Variants in LRRC9 observed in about 807,000 individuals in gnomAD.
LRRC9 encodes the protein leucine-rich repeat-containing protein 9.
Under a neutral mutation model 63.2 loss-of-function variants are expected in LRRC9, and 122 were observed. The observed-to-expected ratio is 1.93, with a 90% confidence interval of 1.67 to 2.24. The LOEUF (loss-of-function observed/expected upper bound fraction) is 2.24. Among genes scored for constraint, LRRC9 ranks in the 30% most tolerant of loss-of-function variants. The pLI is 0.00. For missense variants in LRRC9, 1,071 were observed against 627.7 expected, an observed-to-expected ratio of 1.71 and a Z score of -7.55; for synonymous variants, 366 against 213.1, an observed-to-expected ratio of 1.72 and a Z score of -6.25.
At chr14:60,065,104 G>A (rs922348348), downstream of LRRC9, among the ~76,000 whole-genome samples, 6 of 151,952 alleles carry the variant, frequency 3.9e-5, no homozygotes, top group African/African-American at 9.7e-5. Flanking sequence ...CATCTGAGCC[G>A]GGCGCAGTGG....
chr14:60,049,036 A>AT (rs1420766424), intron 29 of LRRC9, among the ~76,000 whole-genome samples: 2 of 152,234 alleles, frequency 1.3e-5, no homozygotes, highest in South Asian at 2.1e-4. Flanking sequence ...CAAAAATCAC[A>AT]TAATTATTTC....
intron 29 of LRRC9, among the ~76,000 whole-genome samples, chr14:60,032,412 A>C (rs1349303463): frequency 6.6e-6 from 1 of 151,856 alleles, no homozygotes; most frequent in Non-Finnish European, 1.5e-5. Context: ...CTTTCTCATT[A>C]TTTCTTTCTC....
In LRRC9 at chr14:59,930,962, T is replaced by C; in HGVS notation, c.312T>C (p.Tyr104=). Residue 104 remains tyrosine, a synonymous_variant, in exon 4 of 32, where the codon TAT becomes TAC. Transcript: ENST00000445360. The surrounding 1 kb of genome is among the most constrained non-coding windows in gnomAD (Gnocchi z 4.9). The stretch of plus-strand genomic sequence containing the variant: ...AATGTAGAAATTTGGAAAAACTATA[T>C]TTATATTTTAATAAAATTTCCAAAA... 1 of 455,468 alleles carries C rather than the reference T, an allele frequency of 2.2e-6. No individual in the cohort carries two copies. Among genetic ancestry groups the C allele is most frequent in the South Asian group, 2.9e-5 (1 of 34,852 alleles). 28.2% of individuals were successfully genotyped at this position (455,468 alleles called of 1,614,324 possible).
chr14:60,059,773 C>T (rs309004), intron 31 of LRRC9, among the ~76,000 whole-genome samples: 117,574 of 152,192 alleles, frequency 0.77, 47,664 homozygotes, highest in Non-Finnish European at 0.89. Flanking sequence ...GAAAGAATCA[C>T]GAACTATTAT....
intron 15 of LRRC9, 132 bp from the exon 16 acceptor site, chr14:59,981,716 A>T: frequency 1.6e-6 from 1 of 607,448 alleles, no homozygotes; most frequent in Non-Finnish European, 2.9e-6. Flanking sequence ...AGATGTCCTA[A>T]TGTGATTCTG....
intron 29 of LRRC9, among the ~76,000 whole-genome samples, chr14:60,050,354 T>G (rs1893790326): frequency 6.6e-6 from 1 of 152,204 alleles, no homozygotes; most frequent in African/African-American, 2.4e-5. Context: ...GCCTGGTCTA[T>G]TCTGCTATTG....
rs1894018980 is a variant in LRRC9, at chr14:60,053,207, T to G, written c.4131+2T>G. The G allele has an allele frequency of 1.0e-5, 7 of 696,072 alleles. No homozygotes were observed. The highest frequency in any genetic ancestry group is 1.8e-5 in the Non-Finnish European group (7 of 382,158). 43.1% of individuals were successfully genotyped at this position (696,072 alleles called of 1,614,324 possible). A position where few individuals can be genotyped will look rare whatever the true frequency, so the allele number is the denominator to read the frequency against. On this transcript the variant is annotated splice_donor_variant, in intron 30 of 31. Transcript: ENST00000445360. LOFTEE classifies it high-confidence loss of function. The surrounding 1 kb of genome is among the most constrained non-coding windows in gnomAD (Gnocchi z 4.8). ...GAACTACAAGCAAAGAAAAACTCGG[T>G]AATAATTATATTATTTACAATTTTC...
intron 8 of LRRC9, among the ~76,000 whole-genome samples, chr14:59,955,477 A>T (rs778463768): frequency 1.3e-5 from 2 of 151,960 alleles, no homozygotes; most frequent in Non-Finnish European, 2.9e-5. Context: ...TTTCTGTGGG[A>T]TCAATGGTGA....
chr14:60,006,355 A>G (rs972508702), intron 21 of LRRC9, 42 bp from the exon 22 acceptor site: 1 of 655,204 alleles, frequency 1.5e-6, no homozygotes, highest in Non-Finnish European at 2.7e-6. Flanking sequence ...TTAAACCTTT[A>G]GTGTTATCTG....
chr14:60,019,353 T>C (rs1258604114), intron 26 of LRRC9, 93 bp downstream of exon 26: 4 of 494,882 alleles, frequency 8.1e-6, no homozygotes, highest in African/African-American at 7.9e-5. Context: ...CACATTCCAG[T>C]ACATAAAATT....
chr14:60,031,077 A>G lies in LRRC9; in HGVS notation c.3922-918A>G, dbSNP rs1359526243. ...ATAATGTAAGACTTTTCGCATGTCC[A>G]TGATTACTGATCAGGCTTTGGTTCC... On this transcript the variant is annotated intron_variant, in intron 28 of 31. Coordinates refer to ENST00000445360, the Ensembl canonical transcript of LRRC9. The surrounding 1 kb of genome is among the most constrained non-coding windows in gnomAD (Gnocchi z 4.6). Among the ~76,000 whole-genome samples, 2 of 152,074 alleles carry G rather than the reference A, an allele frequency of 1.3e-5. No homozygotes were observed. Among genetic ancestry groups the G allele is most frequent in the East Asian group, 1.9e-4 (1 of 5,198 alleles).
chr14:60,018,422 T>A (rs1347367463), exon 25 of LRRC9: 1 of 700,558 alleles, frequency 1.4e-6, no homozygotes. Context: ...GTAATGTGAA[T>A]CTACAGAACA....
intron 29 of LRRC9, among the ~76,000 whole-genome samples, chr14:60,034,541 C>G (rs1892272458): frequency 6.6e-6 from 1 of 152,092 alleles, no homozygotes; most frequent in South Asian, 2.1e-4. Context: ...CCAATCTAGT[C>G]TTTGTCTTCA....
At position 60,053,780 on chromosome 14, in the gene LRRC9, T is replaced by G. The variant is rs1333053876; in HGVS notation, c.4131+575T>G. 2.7e-6 allele frequency: 1 copy of G among 375,340 alleles called. No homozygotes were observed. Among genetic ancestry groups the G allele is most frequent in the African/African-American group, 2.1e-5 (1 of 46,656 alleles). The allele number at this position is 375,340 out of a possible 1,614,324, so 23.3% of individuals were successfully genotyped here. ...AAAAAGGGAAGAAATAATAAAAGCA[T>G]GTCATTTGAAAATTCTGTCTTTGAC... On this transcript the variant is annotated intron_variant, in intron 30 of 31. Transcript: ENST00000445360. The surrounding 1 kb of genome is among the most constrained non-coding windows in gnomAD (Gnocchi z 4.8).
In LRRC9 at chr14:59,990,945, T is replaced by C. The variant is rs1256668590; in HGVS notation, c.2211+5721T>C. Among the ~76,000 whole-genome samples the C allele has an allele frequency of 6.6e-6, 1 of 152,216 alleles. No individual in the cohort carries two copies. The highest frequency in any genetic ancestry group is 1.5e-5 in the Non-Finnish European group (1 of 68,038). On this transcript the variant is annotated intron_variant, in intron 17 of 31. Transcript: ENST00000445360. The surrounding 1 kb of genome is among the most constrained non-coding windows in gnomAD (Gnocchi z 4.2). ...GGTGGTTTATCTCTACCAACTTCTTTTGGAGCCTATAGAGCAACCTTGTCA... is the reference window on the plus strand; with the variant it reads ...GGTGGTTTATCTCTACCAACTTCTTCTGGAGCCTATAGAGCAACCTTGTCA...
chr14:60,022,870 G>A, exon 27 of LRRC9: 1 of 656,526 alleles, frequency 1.5e-6, no homozygotes, highest in South Asian at 1.7e-5. Context: ...CTTTCTACAG[G>A]GTGAGTAGAA....
Position 59,975,118 on chromosome 14 carries a change from T to C in LRRC9, c.1639+410T>C, listed in dbSNP as rs865957705. The stretch of plus-strand genomic sequence containing the variant: ...ATATATATACATATATATATGTATA[T>C]ATATATATGTATATATATATACATA... On this transcript the variant is annotated intron_variant, in intron 13 of 31. Transcript: ENST00000445360. Among the ~76,000 whole-genome samples the C allele has an allele frequency of 8.3e-3, 157 of 18,930 alleles. 28 individuals carry two copies. Among genetic ancestry groups the C allele is most frequent in the African/African-American group, 0.015 (139 of 9,542 alleles). 12.4% of individuals were successfully genotyped at this position (18,930 alleles called of 152,430 possible). A position where few individuals can be genotyped will look rare whatever the true frequency, so the allele number is the denominator to read the frequency against.
At chr14:59,940,862 T>G (rs1233399475) in intron 7 of LRRC9, among the ~76,000 whole-genome samples, 1 of 152,146 alleles carries the variant, frequency 6.6e-6, no homozygotes, top group African/African-American at 2.4e-5. Flanking sequence ...ATTAGTCTAA[T>G]TTCTTTTTCT....
Position 60,032,330 on chromosome 14 carries a change from T to C in LRRC9, c.3990+267T>C, listed in dbSNP as rs76766621. On this transcript the variant is annotated intron_variant, in intron 29 of 31. Transcript: ENST00000445360. ...GCCAATATTATATAGTGTTAATTAA[T>C]TGATGTTTTGTAGTAAGCCTTGATG... Among the ~76,000 whole-genome samples the C allele has an allele frequency of 9.8e-3, 1,488 of 152,202 alleles. 27 individuals are homozygous for C. The highest frequency in any genetic ancestry group is 0.033 in the African/African-American group (1,373 of 41,534).
Sources: allele counts gnomAD v4.1 joint callset (sites outside exome capture counted in the v4.1 genomes callset), GRCh38; gene constraint gnomAD v4.1.1; non-coding constraint Gnocchi (gnomAD v3.1); transcripts MANE v1.5; gene names NCBI Gene and HGNC (gene_info 2026-07-23, HGNC 2026-07-21).